The following CELSR1 variants were observed in gnomAD, a reference collection of about 807,000 sequenced individuals.
The protein encoded by CELSR1 is cadherin EGF LAG seven-pass G-type receptor 1.
Under a neutral mutation model 249.1 loss-of-function variants are expected in CELSR1, and 110 were observed. The observed-to-expected ratio is 0.44, with a 90% CI of 0.38 to 0.52. The LOEUF (loss-of-function observed/expected upper bound fraction) is 0.52. Ranked by LOEUF, CELSR1 falls within the 20% of genes least tolerant of loss-of-function variation. The pLI, the probability that CELSR1 is intolerant of heterozygous loss-of-function variation, is 0.00. For synonymous variants in CELSR1, 2,113 were observed against 1,900.0 expected (o/e 1.11, Z -2.92); for missense variants, 4,109 against 4,296.4 (o/e 0.96, Z 1.22).
In CELSR1 at chr22:46,472,862, G is replaced by C. The variant is rs1445221121; in HGVS notation, c.3545-8517C>G. ...TCTGGCCTCTGCCTCTGCGCCAAGT[G>C]GCTATGGCTCTCCCTGTGTCGTCAC... On this transcript the variant is annotated intron_variant, in intron 1 of 34. Coordinates refer to ENST00000674500, the MANE Select transcript of CELSR1 (RefSeq NM_001378328.1). This position sits in a 1 kb window ranked among gnomAD's most constrained non-coding sequence, Gnocchi z 7.0. Among the ~76,000 whole-genome samples the C allele has an allele frequency of 6.6e-6, 1 of 152,204 alleles. No homozygotes were observed. The highest frequency in any genetic ancestry group is 1.9e-4 in the East Asian group (1 of 5,196).
Position 46,393,761 on chromosome 22 carries a change from G to A in CELSR1, c.5964+381C>T, listed in dbSNP as rs1225343204. ...TCAAAAAAAAAAAAAAAAAGACCAGGAAAATGGCCAACCAGGAGGCCAGGA... is the reference window on the plus strand; with the variant it reads ...TCAAAAAAAAAAAAAAAAAGACCAGAAAAATGGCCAACCAGGAGGCCAGGA... On this transcript the variant is annotated intron_variant, in intron 14 of 34. Coordinates refer to ENST00000674500, the MANE Select transcript of CELSR1 (RefSeq NM_001378328.1). This position sits in a 1 kb window ranked among gnomAD's most constrained non-coding sequence, Gnocchi z 4.1. 6.6e-6 allele frequency among the ~76,000 whole-genome samples: 1 copy of A among 151,834 alleles called. No individual in the cohort carries two copies. Among genetic ancestry groups the A allele is most frequent in the African/African-American group, 2.4e-5 (1 of 41,352 alleles).
rs1316930593 is a variant in CELSR1, at chr22:46,381,896, G to A, written c.7038C>T (p.Thr2346=). 6.3e-7 allele frequency: 1 copy of A among 1,575,540 alleles called. No individual in the cohort carries two copies. Among genetic ancestry groups the A allele is most frequent in the Non-Finnish European group, 8.6e-7 (1 of 1,162,764 alleles). ...FAVALVIIYR[T]LGQLLPERYD... ...AGCGCTCGGGCAGGAGCTGCCCCAG[G>A]GTGCGGTAAATGATGACCAGAGCGA... The change falls in exon 21 of 35, where the codon ACC becomes ACT. Residue 2346 remains threonine (T), a synonymous_variant. Transcript: ENST00000674500. The surrounding 1 kb of genome is among the most constrained non-coding windows in gnomAD (Gnocchi z 6.0).
At chr22:46,382,681 C>T (rs952795065) in intron 20 of CELSR1, among the ~76,000 whole-genome samples, 5 of 152,312 alleles carry the variant, frequency 3.3e-5, no homozygotes, top group East Asian at 3.9e-4. Flanking sequence ...ATAAGCAACA[C>T]GCGCTCCATC....
At position 46,377,148 on chromosome 22, in the gene CELSR1, G is replaced by A; in HGVS notation, c.7497C>T (p.Asn2499=). 6.2e-7 allele frequency: 1 copy of A among 1,613,776 alleles called. No individual in the cohort carries two copies. Among genetic ancestry groups the A allele is most frequent in the Non-Finnish European group, 8.5e-7 (1 of 1,179,960 alleles). ...CGAGGTGCTTGTGAATGCTGTGCAG[G>A]TTGGAGCGCAGCATGCGGACCAGGC... ...LLSLVRMLRS[N]LHSIHKHLAV... is the part of the protein sequence containing the mutation. The change falls in exon 24 of 35, where the codon AAC becomes AAT. Residue 2499 remains asparagine, a synonymous_variant. Coordinates refer to ENST00000674500, the MANE Select transcript of CELSR1 (RefSeq NM_001378328.1).
intron 14 of CELSR1, among the ~76,000 whole-genome samples, chr22:46,392,898 G>A (rs551306669): frequency 2.6e-5 from 4 of 152,230 alleles, no homozygotes; most frequent in African/African-American, 4.8e-5. Flanking sequence ...GCAAGTTTTC[G>A]CCAATGCACT....
intron 1 of CELSR1, among the ~76,000 whole-genome samples, chr22:46,532,276 C>T (rs1285783845): frequency 1.3e-5 from 2 of 152,214 alleles, no homozygotes; most frequent in Non-Finnish European, 2.9e-5. Flanking sequence ...GAAAAACTTC[C>T]TAAGAATATC....
At chr22:46,458,912 T>C (rs1015989479) in intron 2 of CELSR1, among the ~76,000 whole-genome samples, 1 of 152,094 alleles carries the variant, frequency 6.6e-6, no homozygotes, top group African/African-American at 2.4e-5. Context: ...TTTTTGTTTT[T>C]GAGACAGTCT....
chr22:46,500,612 C>T lies in CELSR1; in HGVS notation c.3544+33015G>A, dbSNP rs1011094358. ...GAACAGAGGCCCGAGCTAGCCCACA[C>T]CTGTGTTTTTTGATCTCTGGGGGAG... On this transcript the variant is annotated intron_variant, in intron 1 of 34. Coordinates refer to ENST00000674500, the MANE Select transcript of CELSR1 (RefSeq NM_001378328.1). The surrounding 1 kb of genome is among the most constrained non-coding windows in gnomAD (Gnocchi z 4.9). Among the ~76,000 whole-genome samples, 1 of 152,202 alleles carries T rather than the reference C, an allele frequency of 6.6e-6. No individual in the cohort carries two copies. The highest frequency in any genetic ancestry group is 2.4e-5 in the African/African-American group (1 of 41,460).
chr22:46,382,984 A>G (rs1266366644), intron 20 of CELSR1, among the ~76,000 whole-genome samples: 1 of 152,228 alleles, frequency 6.6e-6, no homozygotes, highest in African/African-American at 2.4e-5. Flanking sequence ...TATCTGATGC[A>G]GTTTGGATGT....
intron 2 of CELSR1, among the ~76,000 whole-genome samples, chr22:46,444,692 A>G (rs1029666261): frequency 6.6e-6 from 1 of 152,170 alleles, no homozygotes; most frequent in African/African-American, 2.4e-5. Context: ...CCCAAACTGG[A>G]GGCTTAAAAC....
chr22:46,436,400 G>A lies in CELSR1; in HGVS notation c.4407-111C>T. ...GGCAAGCACGTGGGGCTACGATTCAGGAAAGAATGGTGTCAGGCATGCGTC... is the reference window on the plus strand; with the variant it reads ...GGCAAGCACGTGGGGCTACGATTCAAGAAAGAATGGTGTCAGGCATGCGTC... On this transcript the variant is annotated intron_variant, in intron 3 of 34. Transcript: ENST00000674500. This position sits in a 1 kb window ranked among gnomAD's most constrained non-coding sequence, Gnocchi z 5.9. The A allele has an allele frequency of 1.5e-6, 1 of 684,418 alleles. No individual in the cohort carries two copies. Among genetic ancestry groups the A allele is most frequent in the Non-Finnish European group, 2.6e-6 (1 of 387,342 alleles). The allele number at this position is 684,418 out of a possible 1,614,324, so 42.4% of individuals were successfully genotyped here.
chr22:46,460,270 A>C (rs1447580773), intron 2 of CELSR1, among the ~76,000 whole-genome samples: 1 of 152,082 alleles, frequency 6.6e-6, no homozygotes, highest in Non-Finnish European at 1.5e-5. Context: ...AAGTGTGTGA[A>C]CCACACCCAG....
Position 46,441,016 on chromosome 22 carries a change from G to C in CELSR1, c.4184-1605C>G, listed in dbSNP as rs1602140736. 6.6e-6 allele frequency among the ~76,000 whole-genome samples: 1 copy of C among 152,154 alleles called. No homozygotes were observed. Among genetic ancestry groups the C allele is most frequent in the East Asian group, 1.9e-4 (1 of 5,174 alleles). ...AAAAATACAAAAATTAGCCAGGCGT[G>C]GTGGCGGGTGCCTGTAATCCCATCT... On this transcript the variant is annotated intron_variant, in intron 2 of 34. Transcript: ENST00000674500. This position sits in a 1 kb window ranked among gnomAD's most constrained non-coding sequence, Gnocchi z 6.1.
At chr22:46,461,149 AG>A (rs1013830209) in intron 2 of CELSR1, among the ~76,000 whole-genome samples, 5 of 152,218 alleles carry the variant, frequency 3.3e-5, no homozygotes, top group African/African-American at 1.2e-4. Context: ...AGCGCTTCAA[AG>A]GGAAAGAGGG....
In CELSR1 at chr22:46,536,955, C is replaced by A; in HGVS notation, c.216G>T (p.Arg72=). 8.7e-7 allele frequency: 1 copy of A among 1,151,004 alleles called. No homozygotes were observed. The highest frequency in any genetic ancestry group is 3.5e-5 in the South Asian group (1 of 28,544). 71.3% of individuals were successfully genotyped at this position (1,151,004 alleles called of 1,614,324 possible). ...CCGAGACGCGCCGACGTCCTGCCAG[C>A]CGCCCATCGCGGCCCACGTCCAGCA... is the stretch of plus-strand genomic sequence containing the variant. ...RELLDVGRDG[R]LAGRRRVSGA... is the part of the protein sequence containing the mutation. The change falls in exon 1 of 35, where the codon CGG becomes CGT. Residue 72 remains arginine (R), a synonymous_variant. Coordinates refer to ENST00000674500, the MANE Select transcript of CELSR1 (RefSeq NM_001378328.1).
At chr22:46,486,079 A>C (rs2080310533) in intron 1 of CELSR1, among the ~76,000 whole-genome samples, 1 of 151,600 alleles carries the variant, frequency 6.6e-6, no homozygotes. Flanking sequence ...CTGGGACTAC[A>C]GGAGCCCGCC....
chr22:46,363,026 G>A lies in CELSR1; in HGVS notation c.*197C>T. 1 of 1,166,018 alleles carries A rather than the reference G, an allele frequency of 8.6e-7. No homozygotes were observed. 72.2% of individuals were successfully genotyped at this position (1,166,018 alleles called of 1,614,324 possible). On this transcript the variant is annotated 3_prime_UTR_variant, in exon 35 of 35. Coordinates refer to ENST00000674500, the MANE Select transcript of CELSR1 (RefSeq NM_001378328.1). The surrounding 1 kb of genome is among the most constrained non-coding windows in gnomAD (Gnocchi z 4.3). ...TCTGACAGGCCCTGAGCTCCTGGGA[G>A]AACCAAGACCTTTGTGTCTGGATGA...
intron 1 of CELSR1, among the ~76,000 whole-genome samples, chr22:46,497,467 C>T (rs1021879320): frequency 2.6e-5 from 4 of 152,254 alleles, no homozygotes; most frequent in South Asian, 4.1e-4. Flanking sequence ...GCCTCTGTCC[C>T]GGGTCTCTGG....
chr22:46,507,165 G>A (rs751740998), intron 1 of CELSR1, among the ~76,000 whole-genome samples: 2 of 152,094 alleles, frequency 1.3e-5, no homozygotes, highest in Non-Finnish European at 2.9e-5. Flanking sequence ...CAGCCTGGGC[G>A]ACAAGAGTGA....
Sources: allele counts gnomAD v4.1 joint callset (sites outside exome capture counted in the v4.1 genomes callset), GRCh38; gene constraint gnomAD v4.1.1; non-coding constraint Gnocchi (gnomAD v3.1); transcripts MANE v1.5; gene names NCBI Gene and HGNC (gene_info 2026-07-23, HGNC 2026-07-21).